Variants in RAB12 observed in about 807,000 individuals in gnomAD.
RAB12 encodes ras-related protein Rab-12.
In RAB12, 11 loss-of-function variants were observed where a neutral mutation model predicts 28.4. The ratio of observed to expected loss-of-function variants is 0.39; its 90% CI spans 0.24 to 0.64. The LOEUF (loss-of-function observed/expected upper bound fraction) is 0.64, where lower values mean the gene tolerates loss of function less well. Ranked by LOEUF, RAB12 falls within the 30% of genes least tolerant of loss-of-function variation. The pLI is 0.50. For missense variants in RAB12, 276 were observed against 351.1 expected (o/e 0.79, Z 1.71); for synonymous variants, 138 against 145.3 (o/e 0.95, Z 0.36).
At chr18:8,613,781 A>G (rs144418958) in intron 1 of RAB12, among the ~76,000 whole-genome samples, 2 of 152,152 alleles carry the variant, frequency 1.3e-5, no homozygotes, top group East Asian at 3.9e-4. Context: ...GCCACTAACT[A>G]GTTTGTGACT....
intron 1 of RAB12, among the ~76,000 whole-genome samples, chr18:8,624,382 G>A (rs1444898173): frequency 3.3e-5 from 5 of 151,890 alleles, no homozygotes; most frequent in Non-Finnish European, 4.4e-5. Flanking sequence ...ATTAAAGTTG[G>A]GTATGTTAAT....
At chr18:8,611,863 C>G (rs2096004015) in intron 1 of RAB12, among the ~76,000 whole-genome samples, 1 of 152,200 alleles carries the variant, frequency 6.6e-6, no homozygotes, top group South Asian at 2.1e-4. Flanking sequence ...TTTTTGTTTG[C>G]TTCACATGTA....
At chr18:8,630,066 T>A (rs1438043318) in intron 2 of RAB12, among the ~76,000 whole-genome samples, 3 of 152,230 alleles carry the variant, frequency 2.0e-5, no homozygotes, top group Non-Finnish European at 4.4e-5. Context: ...ATATAAGATA[T>A]AAACCAAAAA....
intron 1 of RAB12, among the ~76,000 whole-genome samples, chr18:8,619,235 G>T (rs540128128): frequency 9.2e-5 from 14 of 152,300 alleles, no homozygotes; most frequent in African/African-American, 3.4e-4. Context: ...AGTGACCTGG[G>T]CATGGAAGAA....
chr18:8,636,096 G>A (rs2096018739), intron 4 of RAB12, 157 bp from the exon 5 acceptor site: 2 of 610,330 alleles, frequency 3.3e-6, no homozygotes, highest in Admixed American at 6.1e-5. Flanking sequence ...TATAATGTAA[G>A]AATTTGCTAC....
chr18:8,618,793 T>C (rs1233648299), intron 1 of RAB12, among the ~76,000 whole-genome samples: 1 of 152,220 alleles, frequency 6.6e-6, no homozygotes, highest in Non-Finnish European at 1.5e-5. Context: ...ATTACAGGTG[T>C]GAGCCACCGT....
At chr18:8,633,805 C>T (rs1325135247) in intron 3 of RAB12, among the ~76,000 whole-genome samples, 2 of 152,168 alleles carry the variant, frequency 1.3e-5, no homozygotes, top group Non-Finnish European at 2.9e-5. Context: ...GCAAGAGGAG[C>T]TCGAGTTCTC....
At chr18:8,627,886 C>T (rs1296091466) in intron 2 of RAB12, among the ~76,000 whole-genome samples, 1 of 152,060 alleles carries the variant, frequency 6.6e-6, no homozygotes, top group Non-Finnish European at 1.5e-5. Context: ...GGCGTGTGCC[C>T]TGAAAATTAG....
At chr18:8,626,164 G>A (rs1228412816) in intron 2 of RAB12, among the ~76,000 whole-genome samples, 1 of 152,218 alleles carries the variant, frequency 6.6e-6, no homozygotes, top group Non-Finnish European at 1.5e-5. Context: ...ACAACAAATA[G>A]ATATTTCTTC....
chr18:8,635,305 C>A, intron 3 of RAB12: 1 of 354,784 alleles, frequency 2.8e-6, no homozygotes, highest in East Asian at 5.3e-5. Flanking sequence ...GGTCAACAGC[C>A]AAGAGCATTG....
intron 3 of RAB12, among the ~76,000 whole-genome samples, chr18:8,634,619 C>G (rs1177564527): frequency 6.6e-6 from 1 of 152,158 alleles, no homozygotes; most frequent in Non-Finnish European, 1.5e-5. Context: ...AGGTCTGATG[C>G]TGTCTTCCTT....
chr18:8,609,925 C>T lies in RAB12; in HGVS notation c.486C>T (p.Thr162=), dbSNP rs376808169. The part of the protein sequence containing the change: ...TSLMERFTDD[T]FCEACKSTVG... ...TGATGGAGCGCTTCACCGACGACAC[C>T]TTCTGCGAGGCCTGCAAGTCCACCG... Residue 162 remains threonine (T), a synonymous_variant, in exon 1 of 6, where the codon ACC becomes ACT. Transcript: ENST00000649141. The T allele has an allele frequency of 3.7e-6, 6 of 1,609,438 alleles. No homozygotes were observed. Among genetic ancestry groups the T allele is most frequent in the Non-Finnish European group, 5.1e-6 (6 of 1,178,244 alleles).
At chr18:8,631,500 G>C (rs190529230) in intron 2 of RAB12, among the ~76,000 whole-genome samples, 164 of 152,272 alleles carry the variant, frequency 1.1e-3, no homozygotes, top group African/African-American at 3.5e-3. Flanking sequence ...GCTGCAGAGC[G>C]GCTCAGATAC....
intron 3 of RAB12, among the ~76,000 whole-genome samples, chr18:8,633,537 G>A (rs888352492): frequency 2.6e-5 from 4 of 152,252 alleles, no homozygotes; most frequent in African/African-American, 7.2e-5. Context: ...AGGATTTTTC[G>A]TCTGGTATCC....
At chr18:8,611,549 G>A (rs1408211002) in intron 1 of RAB12, among the ~76,000 whole-genome samples, 1 of 152,094 alleles carries the variant, frequency 6.6e-6, no homozygotes, top group Non-Finnish European at 1.5e-5. Flanking sequence ...TCTGGGGAGG[G>A]TTCCTTAGGG....
chr18:8,637,251 G>A (rs1344523948), intron 5 of RAB12, among the ~76,000 whole-genome samples: 1 of 150,764 alleles, frequency 6.6e-6, no homozygotes, highest in Non-Finnish European at 1.5e-5. Flanking sequence ...TCCAGCCTGG[G>A]TGACAGAATG....
chr18:8,631,524 G>A (rs1162961648), intron 2 of RAB12, among the ~76,000 whole-genome samples: 1 of 152,136 alleles, frequency 6.6e-6, no homozygotes, highest in Non-Finnish European at 1.5e-5. Context: ...TGTCATCCAA[G>A]CCAGGGAGCC....
intron 2 of RAB12, 82 bp from the exon 3 acceptor site, chr18:8,633,107 A>G: frequency 1.3e-6 from 2 of 1,551,396 alleles, no homozygotes; most frequent in Middle Eastern, 1.7e-4. Context: ...AAACTGCAGC[A>G]TATAATCTAT....
intron 5 of RAB12, 27 bp from the exon 6 acceptor site, chr18:8,638,122 A>ATTTT (rs745763608): frequency 2.7e-6 from 4 of 1,503,544 alleles, no homozygotes; most frequent in South Asian, 1.1e-5. Context: ...GTTAAAACGG[A>ATTTT]TTTTTTTTTG....
Sources: gnomAD v4.1 joint callset for allele counts (sites outside exome capture counted in the v4.1 genomes callset) on GRCh38, gnomAD v4.1.1 for gene constraint, MANE v1.5 for transcripts, NCBI Gene and HGNC (gene_info 2026-07-23, HGNC 2026-07-21) for gene names.